Variants in SMG1 observed in about 807,000 individuals in gnomAD.
SMG1 encodes the protein serine/threonine-protein kinase SMG1.
A neutral mutation model predicts 419.9 loss-of-function variants in SMG1; 22 were observed. The observed-to-expected ratio is 0.05, with a 90% CI of 0.04 to 0.07. The LOEUF is 0.07. Among genes scored for constraint, SMG1 ranks in the 10% least tolerant of loss-of-function variants. SMG1 has a pLI of 1.00. For synonymous variants in SMG1, 1,538 were observed against 1,553.5 expected (o/e 0.99, Z 0.23); for missense variants, 3,185 against 4,342.0 (o/e 0.73, Z 7.49).
intron 60 of SMG1, among the ~76,000 whole-genome samples, chr16:18,814,053 T>A (rs2031741731): frequency 2.0e-4 from 24 of 118,214 alleles, no homozygotes; most frequent in South Asian, 2.6e-4. Context: ...AAAATTAAAT[T>A]AAATTAAAAA....
intron 1 of SMG1, among the ~76,000 whole-genome samples, chr16:18,901,944 A>C (rs11643496): frequency 0.33 from 42,318 of 127,364 alleles, 7,081 homozygotes; most frequent in Non-Finnish European, 0.4. Flanking sequence ...GACTATCTCC[A>C]AAAAAAAAAA....
rs1246630314 is a variant in SMG1, at chr16:18,859,690, C to G, written c.3819G>C (p.Leu1273=). The change falls in exon 27 of 63, where the codon CTG becomes CTC. Residue 1273 remains leucine, a synonymous_variant. Coordinates refer to ENST00000446231, the MANE Select transcript of SMG1 (RefSeq NM_015092.5). Reference sequence around the variant, plus strand: ...GATCCGGACTTAACATGTTAGGAAGCAGTTTTTTCATGTCTACCAAAGTTA... The same window carrying G: ...GATCCGGACTTAACATGTTAGGAAGGAGTTTTTTCATGTCTACCAAAGTTA... ...GSKEKIDMKK[L]LPNMLSPDPR... The G allele has an allele frequency of 1.2e-6, 2 of 1,601,020 alleles. No individual in the cohort carries two copies. The highest frequency in any genetic ancestry group is 1.7e-6 in the Non-Finnish European group (2 of 1,173,978).
In SMG1 at chr16:18,844,570, T is replaced by TCTCACACACACACACACA. The variant is rs148412501; in HGVS notation, c.6219+858_6219+859insTGTGTGTGTGTGTGTGAG. 1.4e-4 allele frequency among the ~76,000 whole-genome samples: 12 copies of TCTCACACACACACACACA among 88,522 alleles called. 2 individuals are homozygous for TCTCACACACACACACACA. The highest frequency in any genetic ancestry group is 6.3e-4 in the African/African-American group (11 of 17,422). 58.1% of individuals were successfully genotyped at this position (88,522 alleles called of 152,430 possible). On this transcript the variant is annotated intron_variant, in intron 39 of 62. Coordinates refer to ENST00000446231, the MANE Select transcript of SMG1 (RefSeq NM_015092.5). Reference sequence around the variant, plus strand: ...ACACATAATAAACTTCATCCTTCTCTCACACACACACACGGAAACTCGAGT... The same window carrying TCTCACACACACACACACA: ...ACACATAATAAACTTCATCCTTCTCTCTCACACACACACACACACACACACACACACGGAAACTCGAGT...
chr16:18,926,311 T>G lies in SMG1; in HGVS notation c.-270A>C. ...GCGGATGAAGGGGAGGCGACGTCTT[T>G]TCCAGGGCCGTGCGCGGCCCACGTC... On this transcript the variant is annotated 5_prime_UTR_variant, in exon 1 of 63. Transcript: ENST00000446231. 2.2e-6 allele frequency: 1 copy of G among 446,984 alleles called. No homozygotes were observed. Among genetic ancestry groups the G allele is most frequent in the Non-Finnish European group, 3.9e-6 (1 of 253,536 alleles). The allele number at this position is 446,984 out of a possible 1,614,324, so 27.7% of individuals were successfully genotyped here. A position where few individuals can be genotyped will look rare whatever the true frequency, so the allele number is the denominator to read the frequency against.
At chr16:18,812,410 G>T (rs574919760) in intron 60 of SMG1, among the ~76,000 whole-genome samples, 150 of 152,140 alleles carry the variant, frequency 9.9e-4, no homozygotes, top group African/African-American at 3.5e-3. Flanking sequence ...CAGCACTTTG[G>T]GGAGGCTGAA....
chr16:18,851,392 T>C (rs898942681), intron 33 of SMG1, among the ~76,000 whole-genome samples: 8 of 149,966 alleles, frequency 5.3e-5, no homozygotes, highest in Non-Finnish European at 1.0e-4. Flanking sequence ...TAAGTTTAAA[T>C]ACACACACAC....
chr16:18,879,220 A>G (rs1249913579), intron 11 of SMG1: 2 of 435,228 alleles, frequency 4.6e-6, no homozygotes, highest in Non-Finnish European at 8.6e-6. Context: ...GGCTTAATCG[A>G]TCCTCCTCCC....
rs1167289428 is a variant in SMG1 at position 18,817,387 on chromosome 16, T to C, written c.9978A>G (p.Leu3326=). The C allele has an allele frequency of 6.2e-7, 1 of 1,609,244 alleles. No individual in the cohort carries two copies. Among genetic ancestry groups the C allele is most frequent in the African/African-American group, 1.3e-5 (1 of 75,004 alleles). The change falls in exon 57 of 63, where the codon TTA becomes TTG. Residue 3326 remains leucine, a synonymous_variant. Transcript: ENST00000446231. ...GCTGACATCGCTTGATTAGTTCAAA[T>C]AACGCCGCATCCAGGTTTAAGGCTT... is the stretch of plus-strand genomic sequence containing the variant. ...TAEALNLDAA[L]FELIKRCQQM...
At chr16:18,819,269 G>A (rs966541610) in intron 56 of SMG1, among the ~76,000 whole-genome samples, 7 of 152,190 alleles carry the variant, frequency 4.6e-5, no homozygotes. Context: ...TTTTTCAACA[G>A]AGGCTGAATT....
Position 18,860,671 on chromosome 16 carries a change from T to C in SMG1, c.3801A>G (p.Lys1267=). 1 of 1,473,712 alleles carries C rather than the reference T, an allele frequency of 6.8e-7. No homozygotes were observed. Among genetic ancestry groups the C allele is most frequent in the Non-Finnish European group, 9.3e-7 (1 of 1,076,720 alleles). 91.3% of individuals were successfully genotyped at this position (1,473,712 alleles called of 1,614,324 possible). A position where few individuals can be genotyped will look rare whatever the true frequency, so the allele number is the denominator to read the frequency against. The change falls in exon 26 of 63, where the codon AAA becomes AAG. Residue 1267 remains lysine, a synonymous_variant. Coordinates refer to ENST00000446231, the MANE Select transcript of SMG1 (RefSeq NM_015092.5). ...INLLAGGSKE[K]IDMKKLLPNM... is the part of the protein sequence containing the mutation. ...TAAAACTATTTTCTCAAATACCTAT[T>C]TTTTCTTTTGATCCTCCAGCAAGTA... is the stretch of plus-strand genomic sequence containing the variant.
chr16:18,834,010 G>A (rs1006146368), intron 50 of SMG1, among the ~76,000 whole-genome samples, 194 bp downstream of exon 50: 2 of 152,054 alleles, frequency 1.3e-5, no homozygotes, highest in African/African-American at 4.8e-5. Flanking sequence ...AAATAAAGCT[G>A]CTATAAAAAT....
At position 18,885,581 on chromosome 16, in the gene SMG1, A is replaced by C; in HGVS notation, c.908T>G (p.Val303Gly). ...LCKCVKCILL[V>G]ARCYPHIFST... ...GAAAATATGAGGGTAACATCGAGCC[A>C]CCAAAAGAATGCACTTAACACATTT... Residue 303 changes from valine (V) to glycine (G), a missense_variant, in exon 7 of 63, where the codon GTG becomes GGG. Val to Gly is a moderately radical substitution (Grantham distance 109). This residue lies in a region of SMG1 where 53 missense variants were observed against 56.3 expected (regional missense o/e 0.94). Transcript: ENST00000446231. The C allele has an allele frequency of 1.3e-6, 2 of 1,596,178 alleles. No individual in the cohort carries two copies. The highest frequency in any genetic ancestry group is 1.7e-6 in the Non-Finnish European group (2 of 1,179,588).
rs1184342754 is a variant in SMG1 at position 18,881,145 on chromosome 16, T to TA, written c.1293+1019dup. On this transcript the variant is annotated intron_variant, in intron 10 of 62. Coordinates refer to ENST00000446231, the MANE Select transcript of SMG1 (RefSeq NM_015092.5). ...AAAAAAAATTAAATTAAATTAAATT[T>TA]AAAAAAAAAAAACCACCATTCTACC... is the stretch of plus-strand genomic sequence containing the variant. Among the ~76,000 whole-genome samples, 624 of 138,958 alleles carry TA rather than the reference T, an allele frequency of 4.5e-3. 6 individuals are homozygous for TA. The highest frequency in any genetic ancestry group is 0.011 in the African/African-American group (412 of 37,836). 91.2% of individuals were successfully genotyped at this position (138,958 alleles called of 152,430 possible). A position where few individuals can be genotyped will look rare whatever the true frequency, so the allele number is the denominator to read the frequency against.
rs1555493199 is a variant in SMG1, at chr16:18,849,104, A to AAAAAAAAAAC, written c.5623+112_5623+113insGTTTTTTTTT. ...AAAAAAAAAAAAAAAAAAAAAAAAA[A>AAAAAAAAAAC]AACCCTACAAACTCTAACAACTCTG... On this transcript the variant is annotated intron_variant, in intron 36 of 62. Transcript: ENST00000446231. 43 of 262,634 alleles carry AAAAAAAAAAC rather than the reference A, an allele frequency of 1.6e-4. 8 individuals carry two copies. The highest frequency in any genetic ancestry group is 1.4e-3 in the Middle Eastern group (1 of 730). 16.3% of individuals were successfully genotyped at this position (262,634 alleles called of 1,614,324 possible). A position where few individuals can be genotyped will look rare whatever the true frequency, so the allele number is the denominator to read the frequency against.
At chr16:18,845,404 T>A in intron 39 of SMG1, 25 bp downstream of exon 39, 1 of 1,591,704 alleles carries the variant, frequency 6.3e-7, no homozygotes, top group Non-Finnish European at 8.6e-7. Flanking sequence ...GCCATTTCAG[T>A]AGCATGCTTG....
In SMG1 at chr16:18,857,818, T is replaced by C. The variant is rs1401942902; in HGVS notation, c.4234+352A>G. 2.4e-5 allele frequency: 4 copies of C among 168,044 alleles called. 1 individual carries two copies. The highest frequency in any genetic ancestry group is 5.1e-5 in the Non-Finnish European group (4 of 78,398). 10.4% of individuals were successfully genotyped at this position (168,044 alleles called of 1,614,324 possible). ...TAAAAAGGATTGTATTCCTGATACA[T>C]GCAATATGGGTGAACCTTAAAAATA... On this transcript the variant is annotated intron_variant, in intron 29 of 62. Transcript: ENST00000446231.
intron 62 of SMG1, 59 bp downstream of exon 62, chr16:18,811,702 T>C (rs2031415582): frequency 7.3e-7 from 1 of 1,376,332 alleles, no homozygotes; most frequent in Non-Finnish European, 1.0e-6. Context: ...GGGATCTTTA[T>C]ACACCTCTAC....
At chr16:18,891,981 A>G (rs1402061073) in intron 4 of SMG1, among the ~76,000 whole-genome samples, 1 of 152,166 alleles carries the variant, frequency 6.6e-6, no homozygotes, top group African/African-American at 2.4e-5. Context: ...GTGGGAGGAT[A>G]GCTTGAATCC....
intron 55 of SMG1, among the ~76,000 whole-genome samples, chr16:18,820,759 G>C (rs1179844633): frequency 1.3e-5 from 2 of 152,006 alleles, no homozygotes; most frequent in Non-Finnish European, 2.9e-5. Context: ...TCAAATGACT[G>C]AGCTCCAAAA....
Sources: gnomAD v4.1 joint callset for allele counts (sites outside exome capture counted in the v4.1 genomes callset) on GRCh38, gnomAD v4.1.1 for gene constraint, gnomAD v4.1.1 regional missense constraint, MANE v1.5 for transcripts, NCBI Gene and HGNC (gene_info 2026-07-23, HGNC 2026-07-21) for gene names.